The following PIK3AP1 variants were observed in gnomAD, a reference collection of about 807,000 sequenced individuals.
PIK3AP1 encodes the protein phosphoinositide 3-kinase adapter protein 1.
A neutral mutation model predicts 88.1 loss-of-function variants in PIK3AP1; 21 were observed. That is an observed-to-expected ratio of 0.24 (90% CI 0.17 to 0.34). The LOEUF is 0.34. Ranked by LOEUF, PIK3AP1 falls within the 10% of genes least tolerant of loss-of-function variation. PIK3AP1 has a pLI of 1.00. For synonymous variants in PIK3AP1, 398 were observed against 400.0 expected (o/e 1.00, Z 0.06); for missense variants, 828 against 1,035.7 (o/e 0.80, Z 2.75).
In PIK3AP1 at chr10:96,628,409, T is replaced by C. The variant is rs772197733; in HGVS notation, c.1460A>G (p.Lys487Arg). 1.9e-6 allele frequency: 3 copies of C among 1,609,076 alleles called. No individual in the cohort carries two copies. Among genetic ancestry groups the C allele is most frequent in the Non-Finnish European group, 2.6e-6 (3 of 1,175,394 alleles). The change falls in exon 9 of 17, where the codon AAG becomes AGG. Residue 487 changes from lysine (K) to arginine (R), a missense_variant. Physicochemically the swap from Lys to Arg is conservative, Grantham distance 26. Coordinates refer to ENST00000339364, the MANE Select transcript of PIK3AP1 (RefSeq NM_152309.3). Reference protein sequence around the residue: ...SRATKDSMIRKFLEGNSMGMT... With the variant: ...SRATKDSMIRRFLEGNSMGMT... ...TGGCTATGACTTACCTTCTAAAAAC[T>C]TGCGGATCATAGAGTCCTTAGTGGC...
chr10:96,700,924 C>T (rs903039172), intron 2 of PIK3AP1: 2 of 972,856 alleles, frequency 2.1e-6, no homozygotes, highest in Middle Eastern at 5.2e-4. Flanking sequence ...CTCTGAGCCC[C>T]TTGGGACTAC....
rs77495489 is a variant in PIK3AP1, at chr10:96,648,905, G to C, written c.989-50C>G. The C allele has an allele frequency of 4.0e-3, 5,849 of 1,446,258 alleles. 215 individuals carry two copies. The African/African-American group carries it at 0.074, about 18-fold the overall frequency. 89.6% of individuals were successfully genotyped at this position (1,446,258 alleles called of 1,614,324 possible). A position where few individuals can be genotyped will look rare whatever the true frequency, so the allele number is the denominator to read the frequency against. On this transcript the variant is annotated intron_variant, in intron 6 of 16. Transcript: ENST00000339364. ...ATAGGCAGATAAAAATAAAGGCACA[G>C]GGTGCCCTTGTTCATGGAGATGAAG...
At chr10:96,609,387 C>T (rs920850356) in intron 14 of PIK3AP1, among the ~76,000 whole-genome samples, 3 of 152,212 alleles carry the variant, frequency 2.0e-5, no homozygotes, top group Non-Finnish European at 4.4e-5. Flanking sequence ...GTCCCTATTC[C>T]ATAGAGCTTC....
chr10:96,675,059 ATTG>A (rs1453516338), intron 2 of PIK3AP1, among the ~76,000 whole-genome samples: 1 of 152,002 alleles, frequency 6.6e-6, no homozygotes, highest in Non-Finnish European at 1.5e-5. Context: ...CGCCCAGCTA[ATTG>A]TTGTATTTTT....
At chr10:96,677,487 T>A (rs1843939149) in intron 2 of PIK3AP1, among the ~76,000 whole-genome samples, 1 of 150,966 alleles carries the variant, frequency 6.6e-6, no homozygotes, top group East Asian at 1.9e-4. Context: ...TAAGACAGAG[T>A]GGAAAATAAC....
intron 2 of PIK3AP1, among the ~76,000 whole-genome samples, chr10:96,699,065 T>C (rs1177454528): frequency 2.0e-5 from 3 of 152,024 alleles, no homozygotes; most frequent in East Asian, 1.9e-4. Flanking sequence ...ACACCTGTAA[T>C]CCCAGCTACT....
chr10:96,646,090 T>A (rs554923946), intron 7 of PIK3AP1, among the ~76,000 whole-genome samples: 28 of 152,092 alleles, frequency 1.8e-4, no homozygotes, highest in African/African-American at 5.3e-4. Context: ...CAAAACCTCA[T>A]CTCTACTAAA....
chr10:96,613,011 T>G (rs1236048812), intron 13 of PIK3AP1, among the ~76,000 whole-genome samples: 2 of 72,186 alleles, frequency 2.8e-5, no homozygotes, highest in Non-Finnish European at 5.6e-5. Context: ...TTTTTTTTTT[T>G]TTTTTGAGAC....
At chr10:96,606,046 G>T (rs1848996939) in intron 14 of PIK3AP1, among the ~76,000 whole-genome samples, 1 of 152,234 alleles carries the variant, frequency 6.6e-6, no homozygotes, top group South Asian at 2.1e-4. Context: ...TCATGCCACT[G>T]CACTTCAGCC....
At chr10:96,655,188 C>T (rs932319843) in intron 3 of PIK3AP1, among the ~76,000 whole-genome samples, 1 of 152,204 alleles carries the variant, frequency 6.6e-6, no homozygotes, top group African/African-American at 2.4e-5. Context: ...TTGTGCCCAG[C>T]CAATGCCTAA....
intron 2 of PIK3AP1, among the ~76,000 whole-genome samples, chr10:96,685,672 T>C (rs1331183468): frequency 2.6e-5 from 4 of 152,208 alleles, no homozygotes; most frequent in Admixed American, 2.6e-4. Flanking sequence ...ATTAGAGTTC[T>C]GCAAAACTGA....
intron 12 of PIK3AP1, among the ~76,000 whole-genome samples, 168 bp downstream of exon 12, chr10:96,620,184 C>T (rs1167931951): frequency 1.3e-5 from 2 of 152,198 alleles, no homozygotes; most frequent in African/African-American, 4.8e-5. Flanking sequence ...GGTTACAGAC[C>T]GAGGTGACAC....
intron 11 of PIK3AP1, chr10:96,621,563 C>G (rs1303057763): frequency 6.6e-6 from 1 of 152,274 alleles, no homozygotes; most frequent in Non-Finnish European, 1.5e-5. Context: ...TGTTCTCAGA[C>G]TTACCTCTAT....
rs1213388080 is a variant in PIK3AP1, at chr10:96,629,932, AGAAGAAG to A, written c.1376-1446_1376-1440del. On this transcript the variant is annotated intron_variant, in intron 8 of 16. Transcript: ENST00000339364. ...ACCAAAAAAAAAAAAAAAAAAAAAAAGAAGAAGAAGAAGAAGAAGAAGAAGAAAGGAA... is the reference window on the plus strand; with the variant it reads ...ACCAAAAAAAAAAAAAAAAAAAAAAAAAGAAGAAGAAGAAGAAGAAAGGAA... Among the ~76,000 whole-genome samples the A allele has an allele frequency of 5.6e-3, 562 of 100,480 alleles. 4 individuals are homozygous for A. The highest frequency in any genetic ancestry group is 0.013 in the African/African-American group (348 of 25,806). The allele number at this position is 100,480 out of a possible 152,430, so 65.9% of individuals were successfully genotyped here. A position where few individuals can be genotyped will look rare whatever the true frequency, so the allele number is the denominator to read the frequency against.
Position 96,652,761 on chromosome 10 carries a change from A to G in PIK3AP1, c.649T>C (p.Ser217Pro), listed in dbSNP as rs1373054850. 2 of 1,614,036 alleles carry G rather than the reference A, an allele frequency of 1.2e-6. No individual in the cohort carries two copies. Among genetic ancestry groups the G allele is most frequent in the African/African-American group, 2.7e-5 (2 of 75,016 alleles). Reference sequence around the variant, plus strand: ...TTGGCTTCCATCCTTACAGAGGGAGAATCCTCAGGAGAAAACTCTGCTTCT... The same window carrying G: ...TTGGCTTCCATCCTTACAGAGGGAGGATCCTCAGGAGAAAACTCTGCTTCT... ...ATEAEFSPED[S>P]PSVRMEAKVE... The change falls in exon 4 of 17, where the codon TCT (serine) becomes CCT (proline). Residue 217 changes from serine (S) to proline (P), a missense_variant. Physicochemically the swap from Ser to Pro is moderately conservative, Grantham distance 74. Coordinates refer to ENST00000339364, the MANE Select transcript of PIK3AP1 (RefSeq NM_152309.3).
intron 2 of PIK3AP1, among the ~76,000 whole-genome samples, chr10:96,668,505 C>G (rs897870518): frequency 6.6e-6 from 1 of 151,946 alleles, no homozygotes; most frequent in African/African-American, 2.4e-5. Flanking sequence ...GTTTTAGATA[C>G]AAGGAAAAAG....
chr10:96,650,907 C>G (rs1843528220), intron 6 of PIK3AP1, among the ~76,000 whole-genome samples: 2 of 152,172 alleles, frequency 1.3e-5, no homozygotes, highest in South Asian at 2.1e-4. Context: ...AACTGGGAAC[C>G]TCCCCTGACA....
chr10:96,676,005 G>A (rs973019929), intron 2 of PIK3AP1, among the ~76,000 whole-genome samples: 2 of 152,142 alleles, frequency 1.3e-5, no homozygotes, highest in African/African-American at 2.4e-5. Flanking sequence ...AAAGGTCAGA[G>A]GGACTTTCCC....
At position 96,652,780 on chromosome 10, in the gene PIK3AP1, T is replaced by C; in HGVS notation, c.630A>G (p.Ala210=). 6.2e-7 allele frequency: 1 copy of C among 1,614,154 alleles called. No individual in the cohort carries two copies. Among genetic ancestry groups the C allele is most frequent in the Middle Eastern group, 1.6e-4 (1 of 6,062 alleles). ...AGGGAGAATCCTCAGGAGAAAACTC[T>C]GCTTCTGTCGCCACCCTGTCATCCA... ...CKLDDRVATE[A]EFSPEDSPSV... is the part of the protein sequence containing the mutation. Residue 210 remains alanine (A), a synonymous_variant, in exon 4 of 17, where the codon GCA becomes GCG. Transcript: ENST00000339364.
Sources: allele counts gnomAD v4.1 joint callset (sites outside exome capture counted in the v4.1 genomes callset), GRCh38; gene constraint gnomAD v4.1.1; transcripts MANE v1.5; gene names NCBI Gene and HGNC (gene_info 2026-07-23, HGNC 2026-07-21).